DPY19L2: variants seen among roughly 807,000 people sequenced by gnomAD.
The protein encoded by DPY19L2 is probable C-mannosyltransferase DPY19L2.
In DPY19L2, 34 loss-of-function variants were observed where a neutral mutation model predicts 97.9. The ratio of observed to expected loss-of-function variants is 0.35; its 90% confidence interval spans 0.26 to 0.46. The LOEUF (loss-of-function observed/expected upper bound fraction) is 0.46. DPY19L2 is among the 20% of genes least tolerant of loss of function. The pLI is 1.00. For synonymous variants in DPY19L2, 230 were observed against 307.9 expected (o/e 0.75, Z 2.65); for missense variants, 623 against 911.4 (o/e 0.68, Z 4.07).
chr12:63,628,388 A>G (rs913565166), intron 6 of DPY19L2, among the ~76,000 whole-genome samples: 1 of 152,118 alleles, frequency 6.6e-6, no homozygotes, highest in African/African-American at 2.4e-5. Context: ...CTTTTCCAAC[A>G]GTCTTAGCAA....
intron 4 of DPY19L2, among the ~76,000 whole-genome samples, chr12:63,656,645 C>T (rs1895011037): frequency 6.6e-6 from 1 of 152,114 alleles, no homozygotes; most frequent in Admixed American, 6.5e-5. Context: ...TATTCTTCCT[C>T]ATCCTTTCCT....
chr12:63,652,704 A>G (rs1216164760), intron 4 of DPY19L2, among the ~76,000 whole-genome samples: 1 of 152,220 alleles, frequency 6.6e-6, no homozygotes, highest in Non-Finnish European at 1.5e-5. Flanking sequence ...GTTCTCACTT[A>G]TAAGCGAAGC....
chr12:63,622,332 G>A (rs1398780853), intron 8 of DPY19L2, among the ~76,000 whole-genome samples: 4 of 152,130 alleles, frequency 2.6e-5, no homozygotes, highest in Non-Finnish European at 5.9e-5. Context: ...GATGAAGAAT[G>A]GGCAGCTTCC....
intron 16 of DPY19L2, among the ~76,000 whole-genome samples, chr12:63,590,624 T>C (rs906480222): frequency 6.6e-6 from 1 of 152,100 alleles, no homozygotes; most frequent in South Asian, 2.1e-4. Flanking sequence ...TAAATACAAG[T>C]AACAAGTTGC....
intron 11 of DPY19L2, among the ~76,000 whole-genome samples, chr12:63,614,812 T>C (rs1383787885): frequency 1.3e-5 from 2 of 152,134 alleles, no homozygotes; most frequent in African/African-American, 4.8e-5. Context: ...AAAGAGAGCC[T>C]GCAACCTATA....
chr12:63,641,309 T>G (rs1418266111), intron 6 of DPY19L2, among the ~76,000 whole-genome samples: 1 of 152,152 alleles, frequency 6.6e-6, no homozygotes, highest in Non-Finnish European at 1.5e-5. Flanking sequence ...ATATTTTTTC[T>G]ATATGGCACA....
upstream of DPY19L2, chr12:63,668,798 G>C (rs556062989): frequency 6.1e-5 from 12 of 195,576 alleles, no homozygotes; most frequent in African/African-American, 2.8e-4. Context: ...CGGGCTCCCA[G>C]CCCCACTGGC....
At chr12:63,587,574 T>TTAG (rs1042852055) in intron 16 of DPY19L2, among the ~76,000 whole-genome samples, 2 of 146,500 alleles carry the variant, frequency 1.4e-5, no homozygotes, top group African/African-American at 5.0e-5. Context: ...ATTATTATTA[T>TTAG]TATTATTATT....
rs547671825 is a variant in DPY19L2, at chr12:63,580,708, C to T, written c.1854G>A (p.Leu618=). 3.7e-5 allele frequency: 60 copies of T among 1,613,262 alleles called. No homozygotes were observed. The highest frequency in any genetic ancestry group is 1.3e-4 in the Admixed American group (8 of 59,938). The change falls in exon 19 of 22, where the codon TTG becomes TTA. Residue 618 remains leucine, a synonymous_variant. Transcript: ENST00000324472. ...TCCACTGTAAAAGTTCTTCCTGAGG[C>T]AAATTATTAAATTCTCCTATTATGC... ...QWSIIGEFNN[L]PQEELLQWIK... is the part of the protein sequence containing the mutation.
intron 19 of DPY19L2, among the ~76,000 whole-genome samples, chr12:63,576,007 C>T (rs1236321705): frequency 7.9e-5 from 12 of 151,782 alleles, no homozygotes; most frequent in African/African-American, 2.9e-4. Flanking sequence ...AAACTACGGG[C>T]CAAAATCTCT....
At chr12:63,611,438 GC>G (rs1237285854) in intron 11 of DPY19L2, among the ~76,000 whole-genome samples, 1 of 151,680 alleles carries the variant, frequency 6.6e-6, no homozygotes, top group Non-Finnish European at 1.5e-5. Flanking sequence ...AGAAAACACA[GC>G]CCCGATATGA....
intron 7 of DPY19L2, among the ~76,000 whole-genome samples, chr12:63,625,357 A>C (rs1464786574): frequency 6.6e-6 from 1 of 151,854 alleles, no homozygotes; most frequent in Non-Finnish European, 1.5e-5. Flanking sequence ...AGATCACGCC[A>C]CTGCACTCCA....
chr12:63,596,900 G>C (rs1032163177), intron 14 of DPY19L2, among the ~76,000 whole-genome samples: 3 of 152,086 alleles, frequency 2.0e-5, no homozygotes, highest in Non-Finnish European at 2.9e-5. Context: ...ATCTGCAAAT[G>C]AAAGAACTAT....
At chr12:63,569,557 T>C in intron 20 of DPY19L2, 2 of 375,216 alleles carry the variant, frequency 5.3e-6, no homozygotes, top group South Asian at 6.1e-5. Context: ...GCAATTTAAT[T>C]TTGCATATAC....
intron 4 of DPY19L2, among the ~76,000 whole-genome samples, chr12:63,648,990 C>A (rs1437047769): frequency 6.6e-6 from 1 of 151,860 alleles, no homozygotes; most frequent in African/African-American, 2.4e-5. Flanking sequence ...AATAGATAGT[C>A]TCAGCAAAAA....
chr12:63,617,001 C>A (rs578093001), intron 11 of DPY19L2, among the ~76,000 whole-genome samples: 1 of 152,244 alleles, frequency 6.6e-6, no homozygotes, highest in South Asian at 2.1e-4. Context: ...GAGTACTTAA[C>A]CTCCTCAAGT....
intron 4 of DPY19L2, among the ~76,000 whole-genome samples, chr12:63,658,748 T>C (rs1592759448): frequency 1.3e-5 from 2 of 152,290 alleles, no homozygotes; most frequent in Admixed American, 1.3e-4. Flanking sequence ...TCAGCGGCAC[T>C]GATCTATCTG....
intron 18 of DPY19L2, 41 bp from the exon 19 acceptor site, chr12:63,580,877 A>T (rs1211175495): frequency 4.4e-6 from 7 of 1,584,620 alleles, no homozygotes; most frequent in Non-Finnish European, 6.0e-6. Context: ...TCTTATATGA[A>T]GAGTACCGTA....
chr12:63,653,298 T>G (rs1201318999), intron 4 of DPY19L2, among the ~76,000 whole-genome samples: 1 of 152,102 alleles, frequency 6.6e-6, no homozygotes, highest in East Asian at 1.9e-4. Context: ...CGGTGGTTCA[T>G]GCCTGTAATC....
Sources: allele counts gnomAD v4.1 joint callset (sites outside exome capture counted in the v4.1 genomes callset), GRCh38; gene constraint gnomAD v4.1.1; transcripts MANE v1.5; gene names NCBI Gene and HGNC (gene_info 2026-07-23, HGNC 2026-07-21).